MIA2: variants seen among roughly 807,000 people sequenced by gnomAD.
MIA2 encodes the protein MIA SH3 domain ER export factor 2.
In MIA2, 127 loss-of-function variants were observed where a neutral mutation model predicts 167.8. The ratio of observed to expected loss-of-function variants is 0.76; its 90% CI spans 0.66 to 0.88. The LOEUF is 0.88. Ranked by LOEUF, MIA2 falls within the 40% of genes least tolerant of loss-of-function variation. The pLI is 0.00. For synonymous variants in MIA2, 552 were observed against 541.9 expected (o/e 1.02, Z -0.26); for missense variants, 1,690 against 1,624.7 (o/e 1.04, Z -0.69).
At chr14:39,382,329 T>A (rs2139367739) in intron 23 of MIA2, among the ~76,000 whole-genome samples, 1 of 152,294 alleles carries the variant, frequency 6.6e-6, no homozygotes, top group Admixed American at 6.5e-5. Context: ...GATAGGAAAT[T>A]TGTTAAAGGT....
intron 17 of MIA2, among the ~76,000 whole-genome samples, chr14:39,306,116 G>C (rs1417363899): frequency 6.6e-6 from 1 of 150,630 alleles, no homozygotes; most frequent in South Asian, 2.1e-4. Context: ...TTTTTTTTCT[G>C]ATGTAGATTA....
intron 16 of MIA2, among the ~76,000 whole-genome samples, chr14:39,303,821 T>C (rs2062896938): frequency 6.6e-6 from 1 of 152,072 alleles, no homozygotes; most frequent in South Asian, 2.1e-4. Flanking sequence ...TGCATTCTTT[T>C]TCTTCTAGTC....
At chr14:39,324,603 C>CT (rs914256638) in intron 24 of MIA2, among the ~76,000 whole-genome samples, 232 of 148,404 alleles carry the variant, frequency 1.6e-3, no homozygotes, top group Middle Eastern at 6.9e-3. Context: ...TGTTAGACTT[C>CT]TTTTTTTTTT....
At chr14:39,330,484 A>T (rs996865276) in intron 25 of MIA2, among the ~76,000 whole-genome samples, 1 of 151,544 alleles carries the variant, frequency 6.6e-6, no homozygotes, top group African/African-American at 2.4e-5. Context: ...CATCTTAGTT[A>T]TTTCTTGTCT....
At position 39,380,477 on chromosome 14, in the gene MIA2, G is replaced by A. The variant is rs190825539; in HGVS notation, c.2249-6408G>A. On this transcript the variant is annotated intron_variant, in intron 23 of 23. Coordinates refer to the MIA2 transcript ENST00000341502. Reference sequence around the variant, plus strand: ...TGGGAGGCCAAGGAGGGCAGATCACGAGGTCAAGAGATAGAGAGCATCCTG... The same window carrying A: ...TGGGAGGCCAAGGAGGGCAGATCACAAGGTCAAGAGATAGAGAGCATCCTG... 2.9e-3 allele frequency among the ~76,000 whole-genome samples: 444 copies of A among 152,118 alleles called. 2 individuals carry two copies. Among genetic ancestry groups the A allele is most frequent in the Admixed American group, 4.1e-3 (62 of 15,276 alleles).
chr14:39,237,128 T>TC (rs1481572699), intron 2 of MIA2, 73 bp downstream of exon 2: 1 of 1,551,192 alleles, frequency 6.4e-7, no homozygotes, highest in Non-Finnish European at 8.8e-7. Context: ...CCTTTTCTTT[T>TC]CTTTTTTTTG....
chr14:39,306,662 C>T (rs2063390093), intron 17 of MIA2, among the ~76,000 whole-genome samples: 1 of 152,170 alleles, frequency 6.6e-6, no homozygotes, highest in Admixed American at 6.5e-5. Context: ...AATACCATTA[C>T]ATGTAATTAC....
chr14:39,248,266 A>G (rs2054398964), intron 4 of MIA2, 125 bp downstream of exon 4: 11 of 696,036 alleles, frequency 1.6e-5, no homozygotes, highest in Middle Eastern at 9.7e-4. Flanking sequence ...TCTTTCATCA[A>G]TTTCCAGTTT....
chr14:39,352,402 C>T (rs1304259077), downstream of MIA2, among the ~76,000 whole-genome samples: 2 of 151,946 alleles, frequency 1.3e-5, no homozygotes, highest in Non-Finnish European at 2.9e-5. Context: ...TTGGAGTTCA[C>T]TCTCAAGTAA....
downstream of MIA2, among the ~76,000 whole-genome samples, chr14:39,356,207 A>G (rs1175084818): frequency 6.6e-5 from 10 of 152,246 alleles, no homozygotes; most frequent in Middle Eastern, 3.4e-3. Flanking sequence ...TTGGTAAGCT[A>G]TTAATTATTG....
At chr14:39,341,489 A>C (rs969684495) in intron 25 of MIA2, among the ~76,000 whole-genome samples, 2 of 152,136 alleles carry the variant, frequency 1.3e-5, no homozygotes, top group African/African-American at 4.8e-5. Flanking sequence ...TAATTGCAGA[A>C]ATTGTGGTAG....
chr14:39,244,146 A>C (rs1207932324), intron 3 of MIA2, among the ~76,000 whole-genome samples: 2 of 152,254 alleles, frequency 1.3e-5, no homozygotes, highest in Non-Finnish European at 1.5e-5. Context: ...AGGTCAGATA[A>C]TTTATAAATA....
At chr14:39,313,595 CTT>C (rs959062617) in intron 19 of MIA2, among the ~76,000 whole-genome samples, 154 bp downstream of exon 19, 2 of 152,070 alleles carry the variant, frequency 1.3e-5, no homozygotes, top group Non-Finnish European at 2.9e-5. Context: ...TGTCTCATCA[CTT>C]TTCATTCAGA....
At chr14:39,366,120 G>T (rs1038649650) in intron 23 of MIA2, among the ~76,000 whole-genome samples, 1 of 152,188 alleles carries the variant, frequency 6.6e-6, no homozygotes, top group South Asian at 2.1e-4. Context: ...GATTTCATCA[G>T]TCGCTTAGGC....
At chr14:39,338,812 G>T (rs565686864) in intron 25 of MIA2, among the ~76,000 whole-genome samples, 1 of 152,324 alleles carries the variant, frequency 6.6e-6, no homozygotes, top group East Asian at 1.9e-4. Context: ...AATTGTCCAT[G>T]TAATTCTTTT....
chr14:39,353,384 A>G (rs73279345), downstream of MIA2, among the ~76,000 whole-genome samples: 8,951 of 152,138 alleles, frequency 0.059, 895 homozygotes, highest in African/African-American at 0.2. Flanking sequence ...CTATCATTCT[A>G]TTCTCTGTGT....
At chr14:39,284,608 A>G (rs1024781813) in intron 9 of MIA2, among the ~76,000 whole-genome samples, 7 of 151,862 alleles carry the variant, frequency 4.6e-5, no homozygotes, top group African/African-American at 1.5e-4. Flanking sequence ...CTGCGTTTCC[A>G]TTTCTTTGTG....
At chr14:39,236,062 T>G (rs1324225880) in intron 1 of MIA2, among the ~76,000 whole-genome samples, 1 of 151,988 alleles carries the variant, frequency 6.6e-6, no homozygotes, top group Non-Finnish European at 1.5e-5. Flanking sequence ...CTACTACACG[T>G]TGGGTTGGGC....
At chr14:39,284,793 C>T (rs188316155) in intron 9 of MIA2, among the ~76,000 whole-genome samples, 74 of 146,218 alleles carry the variant, frequency 5.1e-4, no homozygotes, top group East Asian at 4.8e-3. Flanking sequence ...GGGTGTTTCT[C>T]GCAGAGGGGG....
Sources: gnomAD v4.1 joint callset for allele counts (sites outside exome capture counted in the v4.1 genomes callset) on GRCh38, gnomAD v4.1.1 for gene constraint, MANE v1.5 for transcripts, NCBI Gene and HGNC (gene_info 2026-07-23, HGNC 2026-07-21) for gene names.